Variants in RABEPK observed in about 807,000 individuals in gnomAD.
The protein encoded by RABEPK is 40 kDa Rab9 effector protein.
Under a neutral mutation model 34.1 loss-of-function variants are expected in RABEPK, and 27 were observed. That is an observed-to-expected ratio of 0.79 (90% CI 0.58 to 1.09). The LOEUF (loss-of-function observed/expected upper bound fraction) is 1.09. Ranked by LOEUF, RABEPK falls within the 50% of genes least tolerant of loss-of-function variation. The probability of loss-of-function intolerance (pLI) is 0.00; values close to 1 mark genes in which losing one functional copy is unlikely to be tolerated. For synonymous variants in RABEPK, 172 were observed against 169.2 expected, an observed-to-expected ratio of 1.02 and a Z score of -0.13; for missense variants, 449 against 462.6, an observed-to-expected ratio of 0.97 and a Z score of 0.27.
chr9:125,202,035 ACC>A (rs1251681309), intron 1 of RABEPK, among the ~76,000 whole-genome samples: 4 of 146,282 alleles, frequency 2.7e-5, no homozygotes, highest in African/African-American at 1.0e-4. Context: ...ACATAGTGAA[ACC>A]CCATCCCTAC....
chr9:125,201,321 A>T (rs1396380136), intron 1 of RABEPK, among the ~76,000 whole-genome samples: 1 of 152,214 alleles, frequency 6.6e-6, no homozygotes, highest in Non-Finnish European at 1.5e-5. Flanking sequence ...AAAATTATGA[A>T]AAGGCCTGCC....
In RABEPK at chr9:125,232,611, A is replaced by C; in HGVS notation, c.692A>C (p.Gln231Pro). Residue 231 changes from glutamine to proline, a missense_variant, in exon 7 of 8, where the codon CAG (glutamine) becomes CCG (proline). By Grantham distance (76) the Gln-to-Pro change is moderately conservative (BLOSUM62 -1). Transcript: ENST00000373538. The part of the protein sequence containing the change: ...HCIDISDMKW[Q>P]KLNPTGAAPA... ...CTCTTGGCAGGTGACATGAAATGGCAGAAGCTAAATCCCACTGGGGCTGCT... is the reference window on the plus strand; with the variant it reads ...CTCTTGGCAGGTGACATGAAATGGCCGAAGCTAAATCCCACTGGGGCTGCT... The C allele has an allele frequency of 6.2e-7, 1 of 1,612,140 alleles. No individual in the cohort carries two copies. The highest frequency in any genetic ancestry group is 8.5e-7 in the Non-Finnish European group (1 of 1,179,146).
At chr9:125,206,641 T>C (rs1588331761) in intron 2 of RABEPK, among the ~76,000 whole-genome samples, 1 of 152,236 alleles carries the variant, frequency 6.6e-6, no homozygotes, top group East Asian at 1.9e-4. Context: ...GATAATTTTT[T>C]TGATGGAGAG....
At chr9:125,220,203 T>C in intron 4 of RABEPK, 1 of 805,660 alleles carries the variant, frequency 1.2e-6, no homozygotes. Flanking sequence ...TTTTACCCCA[T>C]GTTGGCCAGG....
chr9:125,229,974 CT>C (rs1414576163), intron 6 of RABEPK, among the ~76,000 whole-genome samples: 3 of 152,056 alleles, frequency 2.0e-5, no homozygotes, highest in African/African-American at 7.2e-5. Flanking sequence ...CAGGTACTTT[CT>C]TTTTTTTGAG....
chr9:125,222,710 T>C (rs1225182056), intron 5 of RABEPK, among the ~76,000 whole-genome samples: 1 of 108,202 alleles, frequency 9.2e-6, no homozygotes, highest in Non-Finnish European at 1.8e-5. Flanking sequence ...CAAGACTCTG[T>C]ATCAAAAAAA....
At chr9:125,203,505 C>T (rs1830030434) in intron 2 of RABEPK, among the ~76,000 whole-genome samples, 1 of 152,148 alleles carries the variant, frequency 6.6e-6, no homozygotes, top group Non-Finnish European at 1.5e-5. Context: ...TGTAAATAGT[C>T]TCTGTGTACT....
At chr9:125,204,186 T>C (rs1329300863) in intron 2 of RABEPK, among the ~76,000 whole-genome samples, 2 of 151,388 alleles carry the variant, frequency 1.3e-5, no homozygotes, top group Admixed American at 1.3e-4. Flanking sequence ...TACAAAAAAT[T>C]AGCCGGGCGT....
chr9:125,202,744 C>T (rs889201594), intron 1 of RABEPK, among the ~76,000 whole-genome samples: 1 of 151,670 alleles, frequency 6.6e-6, no homozygotes, highest in African/African-American at 2.4e-5. Context: ...GGAGGAGAAT[C>T]GTTTGAACCT....
intron 4 of RABEPK, among the ~76,000 whole-genome samples, chr9:125,215,947 T>C (rs1370983323): frequency 6.6e-6 from 1 of 152,218 alleles, no homozygotes. Context: ...ACTGAATTTA[T>C]CAGTTTTAAA....
rs199736567 is a variant in RABEPK, at chr9:125,233,977, C to G, written c.1116C>G (p.Asp372Glu). 37 of 1,590,954 alleles carry G rather than the reference C, an allele frequency of 2.3e-5. No individual in the cohort carries two copies. In the Admixed American group the frequency reaches 2.9e-4, roughly 13 times the overall value. The stretch of plus-strand genomic sequence containing the variant: ...ACGATTGTATTGTGACTGTAGTGGA[C>G]TAATAAAACCCACATTTTTATTACC... ...IYDDCIVTVV[D>E] is the part of the protein sequence containing the mutation. The change falls in exon 8 of 8, where the codon GAC becomes GAG. Residue 372 changes from aspartate to glutamate, a missense_variant. Physicochemically the swap from Asp to Glu is conservative, Grantham distance 45. Transcript: ENST00000373538.
At chr9:125,215,575 G>GT (rs1365230108) in intron 4 of RABEPK, among the ~76,000 whole-genome samples, 5 of 152,120 alleles carry the variant, frequency 3.3e-5, no homozygotes, top group Non-Finnish European at 7.4e-5. Flanking sequence ...GCCTCCTGAA[G>GT]TGTTGGGATT....
At chr9:125,232,350 G>A (rs1253266884) in intron 6 of RABEPK, among the ~76,000 whole-genome samples, 1 of 152,154 alleles carries the variant, frequency 6.6e-6, no homozygotes, top group Non-Finnish European at 1.5e-5. Context: ...ATTTCTGTGT[G>A]ATCCAAAGAC....
At chr9:125,216,788 C>A (rs1830956919) in intron 4 of RABEPK, among the ~76,000 whole-genome samples, 1 of 151,982 alleles carries the variant, frequency 6.6e-6, no homozygotes, top group African/African-American at 2.4e-5. Flanking sequence ...TACTGAAAGC[C>A]CGTCTCTACT....
intron 5 of RABEPK, 151 bp downstream of exon 5, chr9:125,220,851 C>A: frequency 1.9e-6 from 2 of 1,066,836 alleles, no homozygotes; most frequent in Non-Finnish European, 1.3e-6. Flanking sequence ...ATCTTTTTCC[C>A]ACAGCAAAAT....
At position 125,207,592 on chromosome 9, in the gene RABEPK, C is replaced by G. The variant is rs1292519794; in HGVS notation, c.82C>G (p.Pro28Ala). The change falls in exon 3 of 8, where the codon CCC (proline) becomes GCC (alanine). Residue 28 changes from proline (P) to alanine (A), a missense_variant. Coordinates refer to ENST00000373538, the MANE Select transcript of RABEPK (RefSeq NM_005833.4). ...WYTLTVPGDS[P>A]CARVGHSCSY... ...CACCTTGACTGTCCCTGGAGACAGC[C>G]CCTGTGCTCGAGTTGGCCACAGCTG... 6.2e-7 allele frequency: 1 copy of G among 1,613,940 alleles called. No individual in the cohort carries two copies. Among genetic ancestry groups the G allele is most frequent in the African/African-American group, 1.3e-5 (1 of 74,896 alleles).
chr9:125,226,417 A>G (rs1468442703), intron 5 of RABEPK, among the ~76,000 whole-genome samples: 3 of 152,076 alleles, frequency 2.0e-5, no homozygotes, highest in Non-Finnish European at 4.4e-5. Context: ...TTATTGAAAC[A>G]TTACTTATAA....
intron 1 of RABEPK, among the ~76,000 whole-genome samples, chr9:125,202,045 T>C (rs1829939921): frequency 6.7e-6 from 1 of 149,304 alleles, no homozygotes; most frequent in Non-Finnish European, 1.5e-5. Context: ...ACCCCATCCC[T>C]ACGAAAAATA....
chr9:125,223,725 TAA>T (rs35661565), intron 5 of RABEPK, among the ~76,000 whole-genome samples: 1,205 of 119,710 alleles, frequency 0.01, 15 homozygotes, highest in South Asian at 0.033. Flanking sequence ...ACCCTGACTC[TAA>T]AAAAAAAAAA....
Sources: allele counts gnomAD v4.1 joint callset (sites outside exome capture counted in the v4.1 genomes callset), GRCh38; gene constraint gnomAD v4.1.1; transcripts MANE v1.5; gene names NCBI Gene and HGNC (gene_info 2026-07-23, HGNC 2026-07-21).